The following MYO1D variants were observed in gnomAD, a reference collection of about 807,000 sequenced individuals.
MYO1D encodes myosin ID, also known as unconventional myosin-Id.
MYO1D carries 83 observed loss-of-function variants against 122.0 expected under a neutral mutation model. The ratio of observed to expected loss-of-function variants is 0.68; its 90% confidence interval spans 0.57 to 0.82. The LOEUF is 0.82. Ranked by LOEUF, MYO1D falls within the 40% of genes least tolerant of loss-of-function variation. The pLI is 0.00. For synonymous variants in MYO1D, 464 were observed against 446.9 expected, an observed-to-expected ratio of 1.04 and a Z score of -0.48; for missense variants, 1,157 against 1,269.5, an observed-to-expected ratio of 0.91 and a Z score of 1.35.
intron 13 of MYO1D, among the ~76,000 whole-genome samples, chr17:32,740,773 C>T (rs1463943890): frequency 1.3e-5 from 2 of 152,138 alleles, no homozygotes; most frequent in African/African-American, 2.4e-5. Context: ...CCATGCCCAG[C>T]CTGAATGTAA....
At chr17:32,836,726 T>G (rs2090828449) in intron 1 of MYO1D, among the ~76,000 whole-genome samples, 1 of 152,194 alleles carries the variant, frequency 6.6e-6, no homozygotes. Context: ...CTATTATAGT[T>G]ACATAATGAC....
intron 21 of MYO1D, among the ~76,000 whole-genome samples, chr17:32,588,970 CA>C (rs138833745): frequency 0.6 from 90,078 of 150,132 alleles, 27,113 homozygotes; most frequent in Middle Eastern, 0.73. Context: ...ACAAATAAAA[CA>C]AAAAAAAAAC....
At chr17:32,638,626 G>T (rs1013271282) in intron 20 of MYO1D, 96 bp downstream of exon 20, 4 of 721,772 alleles carry the variant, frequency 5.5e-6, no homozygotes, top group Non-Finnish European at 9.2e-6. Context: ...GCATCCTAAA[G>T]CCCCAAAGAT....
At chr17:32,727,765 G>A (rs1429832857) in intron 14 of MYO1D, 1 of 151,936 alleles carries the variant, frequency 6.6e-6, no homozygotes, top group East Asian at 1.9e-4. Context: ...TGTCAGACTG[G>A]ATTAAAAAAA....
At chr17:32,536,911 C>CT (rs1276701535) in intron 21 of MYO1D, among the ~76,000 whole-genome samples, 1 of 152,172 alleles carries the variant, frequency 6.6e-6, no homozygotes, top group Non-Finnish European at 1.5e-5. Flanking sequence ...GTTCACACTT[C>CT]TTGTCAGCAG....
chr17:32,719,354 T>TC (rs2089483089), intron 15 of MYO1D, among the ~76,000 whole-genome samples: 1 of 150,346 alleles, frequency 6.7e-6, no homozygotes, highest in African/African-American at 2.4e-5. Context: ...CCTTGCCCTT[T>TC]TTTTTTTTTT....
intron 1 of MYO1D, among the ~76,000 whole-genome samples, chr17:32,809,739 A>G (rs1194457631): frequency 1.3e-5 from 2 of 152,254 alleles, no homozygotes; most frequent in East Asian, 3.9e-4. Flanking sequence ...GTGCCCAGCC[A>G]TTGGGCTGTT....
intron 21 of MYO1D, among the ~76,000 whole-genome samples, chr17:32,505,945 G>A (rs992167986): frequency 1.3e-5 from 2 of 152,204 alleles, no homozygotes; most frequent in African/African-American, 2.4e-5. Context: ...CAGGCTGGAC[G>A]AGGTCGCTCA....
At chr17:32,541,733 G>A (rs959749145) in intron 21 of MYO1D, among the ~76,000 whole-genome samples, 5 of 152,112 alleles carry the variant, frequency 3.3e-5, no homozygotes, top group Non-Finnish European at 7.3e-5. Context: ...GTAGGTACTC[G>A]ATGTGTGCAT....
At chr17:32,544,787 G>A (rs1211983145) in intron 21 of MYO1D, among the ~76,000 whole-genome samples, 1 of 152,082 alleles carries the variant, frequency 6.6e-6, no homozygotes, top group African/African-American at 2.4e-5. Flanking sequence ...ATCAACACTT[G>A]TTCATGCATA....
At chr17:32,749,856 G>A (rs1039639212) in intron 11 of MYO1D, among the ~76,000 whole-genome samples, 11 of 152,304 alleles carry the variant, frequency 7.2e-5, no homozygotes, top group Admixed American at 5.9e-4. Context: ...GGACCATACT[G>A]AAGGCTTACT....
chr17:32,634,469 T>C (rs1364410759), intron 20 of MYO1D, among the ~76,000 whole-genome samples: 5 of 152,208 alleles, frequency 3.3e-5, no homozygotes, highest in Non-Finnish European at 5.9e-5. Flanking sequence ...CCATTAAAGT[T>C]AGTTGCTGAT....
At chr17:32,835,784 T>C (rs2090816139) in intron 1 of MYO1D, among the ~76,000 whole-genome samples, 1 of 152,198 alleles carries the variant, frequency 6.6e-6, no homozygotes, top group African/African-American at 2.4e-5. Context: ...TCCTAGATTA[T>C]TTATATCCCT....
intron 16 of MYO1D, among the ~76,000 whole-genome samples, chr17:32,692,559 C>T (rs1305109465): frequency 4.6e-5 from 7 of 152,118 alleles, no homozygotes; most frequent in South Asian, 4.1e-4. Context: ...AAGCAGTGAA[C>T]GGCTATTACA....
intron 21 of MYO1D, among the ~76,000 whole-genome samples, chr17:32,496,669 C>T (rs2150849791): frequency 6.6e-6 from 1 of 152,048 alleles, no homozygotes; most frequent in African/African-American, 2.4e-5. Flanking sequence ...CTCTGTCAAC[C>T]TGGTATGGCG....
At chr17:32,704,346 T>G (rs946054233) in intron 16 of MYO1D, among the ~76,000 whole-genome samples, 10 of 152,180 alleles carry the variant, frequency 6.6e-5, no homozygotes, top group Admixed American at 5.9e-4. Context: ...TAAAACACAT[T>G]TTTCAATATT....
intron 13 of MYO1D, among the ~76,000 whole-genome samples, chr17:32,741,706 T>A (rs1024510316): frequency 6.6e-6 from 1 of 152,124 alleles, no homozygotes; most frequent in African/African-American, 2.4e-5. Flanking sequence ...ACAATTACAG[T>A]TGGCTCTCCA....
intron 16 of MYO1D, among the ~76,000 whole-genome samples, chr17:32,709,400 A>C (rs1441480765): frequency 6.6e-6 from 1 of 152,180 alleles, no homozygotes; most frequent in Non-Finnish European, 1.5e-5. Context: ...CTACCAAAAA[A>C]ACCCTAAAAA....
chr17:32,512,659 T>C (rs1035829261), intron 21 of MYO1D, among the ~76,000 whole-genome samples: 1 of 152,114 alleles, frequency 6.6e-6, no homozygotes, highest in Non-Finnish European at 1.5e-5. Flanking sequence ...TCCCCACAGA[T>C]AGGGATGAAG....
Sources: gnomAD v4.1 joint callset for allele counts (sites outside exome capture counted in the v4.1 genomes callset) on GRCh38, gnomAD v4.1.1 for gene constraint, MANE v1.5 for transcripts, NCBI Gene and HGNC (gene_info 2026-07-23, HGNC 2026-07-21) for gene names.